EYS: variants seen among roughly 807,000 people sequenced by gnomAD.
EYS encodes the protein protein eyes shut homolog.
EYS carries 250 observed loss-of-function variants against 282.1 expected under a neutral mutation model. That is an observed-to-expected ratio of 0.89 (90% CI 0.80 to 0.98). EYS has a LOEUF of 0.98. EYS is among the 50% of genes least tolerant of loss of function. The pLI, the probability that EYS is intolerant of heterozygous loss-of-function variation, is 0.00. For synonymous variants in EYS, 1,355 were observed against 1,282.9 expected (o/e 1.06, Z -1.20); for missense variants, 4,016 against 3,709.0 (o/e 1.08, Z -2.15).
At chr6:64,290,171 C>A (rs1768651083) in intron 30 of EYS, among the ~76,000 whole-genome samples, 1 of 152,220 alleles carries the variant, frequency 6.6e-6, no homozygotes, top group Non-Finnish European at 1.5e-5. Flanking sequence ...ATCTATCCAT[C>A]AATCACAGGC....
chr6:64,797,033 T>C (rs1774375274), intron 22 of EYS, among the ~76,000 whole-genome samples: 1 of 152,106 alleles, frequency 6.6e-6, no homozygotes, highest in Non-Finnish European at 1.5e-5. Context: ...TCCAGTATAC[T>C]GCGGAATTTC....
At chr6:64,339,362 A>G (rs1204094865) in intron 29 of EYS, among the ~76,000 whole-genome samples, 1 of 152,054 alleles carries the variant, frequency 6.6e-6, no homozygotes, top group African/African-American at 2.4e-5. Flanking sequence ...TAAATGGCCA[A>G]CAAACATGAA....
At chr6:64,438,728 A>G (rs1054482225) in intron 27 of EYS, among the ~76,000 whole-genome samples, 1 of 151,722 alleles carries the variant, frequency 6.6e-6, no homozygotes. Flanking sequence ...ATATAAACTG[A>G]TCTATCAGTA....
intron 31 of EYS, among the ~76,000 whole-genome samples, chr6:64,129,491 T>G (rs1279092179): frequency 6.6e-6 from 1 of 152,236 alleles, no homozygotes; most frequent in Non-Finnish European, 1.5e-5. Context: ...GTTTTTTTCT[T>G]GTAAATTTGT....
At position 63,808,865 on chromosome 6, in the gene EYS, C is replaced by T. The variant is rs576024024; in HGVS notation, c.7229-2493G>A. Reference sequence around the variant, plus strand: ...TAAAATATATTATTAATAACATTCCCATATCCGTTAAACATTGGGTTAAAT... The same window carrying T: ...TAAAATATATTATTAATAACATTCCTATATCCGTTAAACATTGGGTTAAAT... On this transcript the variant is annotated intron_variant, in intron 36 of 42. Transcript: ENST00000503581. Among the ~76,000 whole-genome samples the T allele has an allele frequency of 2.0e-5, 3 of 152,154 alleles. No homozygotes were observed. The South Asian group carries it at 6.2e-4, about 32-fold the overall frequency.
At chr6:64,520,395 C>T (rs1262597685) in intron 26 of EYS, among the ~76,000 whole-genome samples, 1 of 151,508 alleles carries the variant, frequency 6.6e-6, no homozygotes, top group Non-Finnish European at 1.5e-5. Flanking sequence ...TATAGAAGGG[C>T]CAGAGATCAG....
At chr6:65,369,581 C>A (rs578199849) in intron 8 of EYS, among the ~76,000 whole-genome samples, 1 of 151,116 alleles carries the variant, frequency 6.6e-6, no homozygotes, top group Admixed American at 6.8e-5. Flanking sequence ...TGCATTTGAT[C>A]TTTCCTTTTT....
intron 12 of EYS, among the ~76,000 whole-genome samples, chr6:65,158,996 AT>A (rs1182096725): frequency 4.0e-5 from 6 of 150,594 alleles, no homozygotes; most frequent in Non-Finnish European, 7.4e-5. Context: ...AAATATTGCT[AT>A]TTTTTTGTTT....
rs200949018 is a variant in EYS, at chr6:64,569,321, CA to C, written c.5644+20901del. Reference sequence around the variant, plus strand: ...TAAATGACCTAATGGAGCTGAAAAACACAGCACAAGAACTTCATGAAGCATA... The same window carrying C: ...TAAATGACCTAATGGAGCTGAAAAACCAGCACAAGAACTTCATGAAGCATA... On this transcript the variant is annotated intron_variant, in intron 26 of 42. Transcript: ENST00000503581. Among the ~76,000 whole-genome samples, 459 of 151,964 alleles carry C rather than the reference CA, an allele frequency of 3.0e-3. 1 individual carries two copies. The highest frequency in any genetic ancestry group is 9.9e-3 in the African/African-American group (412 of 41,438).
At chr6:64,475,351 A>G (rs1170299081) in intron 26 of EYS, among the ~76,000 whole-genome samples, 1 of 74,738 alleles carries the variant, frequency 1.3e-5, no homozygotes, top group Non-Finnish European at 3.1e-5. Flanking sequence ...GGAGATCGAG[A>G]CCATCCCGGC....
intron 2 of EYS, among the ~76,000 whole-genome samples, chr6:65,565,376 T>C (rs1769232267): frequency 6.6e-6 from 1 of 150,514 alleles, no homozygotes; most frequent in Non-Finnish European, 1.5e-5. Context: ...ATTAGATAAA[T>C]GCAAATCAAA....
chr6:65,282,926 G>A (rs1768264854), intron 12 of EYS, among the ~76,000 whole-genome samples: 1 of 151,834 alleles, frequency 6.6e-6, no homozygotes, highest in African/African-American at 2.4e-5. Context: ...AAAGTTTCAT[G>A]TAATTTAGCA....
chr6:63,991,137 A>C (rs1328912193), intron 34 of EYS, among the ~76,000 whole-genome samples: 1 of 151,710 alleles, frequency 6.6e-6, no homozygotes, highest in Non-Finnish European at 1.5e-5. Context: ...CTGAAAGAAG[A>C]AACTGGAAAA....
chr6:64,020,276 C>T (rs967687547), intron 33 of EYS, among the ~76,000 whole-genome samples: 28 of 152,094 alleles, frequency 1.8e-4, no homozygotes, highest in African/African-American at 6.8e-4. Flanking sequence ...CCTAAGTATC[C>T]TGACTTGATT....
chr6:64,452,925 A>G (rs964032591), intron 26 of EYS, among the ~76,000 whole-genome samples: 1 of 152,202 alleles, frequency 6.6e-6, no homozygotes. Context: ...AACCTAGGCA[A>G]TACCATTCAG....
chr6:65,313,733 G>A (rs189306613), intron 11 of EYS, among the ~76,000 whole-genome samples: 2 of 152,194 alleles, frequency 1.3e-5, no homozygotes, highest in East Asian at 1.9e-4. Context: ...CATCTCCTAC[G>A]TGGCCTTGTA....
intron 12 of EYS, among the ~76,000 whole-genome samples, chr6:65,194,889 A>G (rs1270526347): frequency 1.3e-5 from 2 of 151,526 alleles, no homozygotes; most frequent in Admixed American, 6.6e-5. Flanking sequence ...CCAGTAGAAC[A>G]CTATATTAAA....
chr6:64,319,480 C>T (rs969420999), intron 29 of EYS, among the ~76,000 whole-genome samples: 46 of 152,014 alleles, frequency 3.0e-4, no homozygotes, highest in African/African-American at 1.0e-3. Flanking sequence ...GTGAATAGGG[C>T]TTCTGCTCCC....
At chr6:64,017,946 C>T (rs1055931372) in intron 33 of EYS, among the ~76,000 whole-genome samples, 2 of 152,110 alleles carry the variant, frequency 1.3e-5, no homozygotes, top group African/African-American at 4.8e-5. Context: ...TCTCATATTG[C>T]CCAATGTTCG....
Sources: allele counts gnomAD v4.1 joint callset (sites outside exome capture counted in the v4.1 genomes callset), GRCh38; gene constraint gnomAD v4.1.1; transcripts MANE v1.5; gene names NCBI Gene and HGNC (gene_info 2026-07-23, HGNC 2026-07-21).